The following NCAPD3 variants were observed in gnomAD, a reference collection of about 807,000 sequenced individuals.
NCAPD3 encodes condensin-2 complex subunit D3.
A neutral mutation model predicts 182.9 loss-of-function variants in NCAPD3; 105 were observed. That is an observed-to-expected ratio of 0.57 (90% CI 0.49 to 0.68). NCAPD3 has a LOEUF of 0.68. NCAPD3 is among the 30% of genes least tolerant of loss of function. The pLI, the probability that NCAPD3 is intolerant of heterozygous loss-of-function variation, is 0.00. For missense variants in NCAPD3, 1,944 were observed against 1,837.0 expected, an observed-to-expected ratio of 1.06 and a Z score of -1.07; for synonymous variants, 815 against 679.9, an observed-to-expected ratio of 1.20 and a Z score of -3.09.
rs552009611 is a variant in NCAPD3 at position 134,185,403 on chromosome 11, G to A, written c.2169C>T (p.Ser723=). The A allele has an allele frequency of 6.2e-7, 1 of 1,614,090 alleles. No individual in the cohort carries two copies. The highest frequency in any genetic ancestry group is 1.1e-5 in the South Asian group (1 of 91,064). Residue 723 remains serine, a synonymous_variant, in exon 17 of 35, where the codon TCC becomes TCT. Transcript: ENST00000534548. ...GCCTGGGTGAGGAGCCAGCAATCTT[G>A]GAGAGCAGCATCCAGGCAGGTGCCG... The part of the protein sequence containing the change: ...EHSAPAWMLL[S]KIAGSSPRLD...
intron 24 of NCAPD3, among the ~76,000 whole-genome samples, chr11:134,172,021 C>T (rs1591833406): frequency 6.6e-6 from 1 of 152,192 alleles, no homozygotes; most frequent in Non-Finnish European, 1.5e-5. Context: ...CTCAGGAAAC[C>T]TACACATAGC....
intron 31 of NCAPD3, among the ~76,000 whole-genome samples, chr11:134,157,613 GA>G (rs773177009): frequency 6.2e-4 from 95 of 152,142 alleles, no homozygotes; most frequent in Non-Finnish European, 9.4e-4. Flanking sequence ...AGAATGCAGG[GA>G]AACAGGTCAT....
In NCAPD3 at chr11:134,169,010, G is replaced by A. The variant is rs771659261; in HGVS notation, c.3146C>T (p.Pro1049Leu). The change falls in exon 25 of 35, where the codon CCT (proline) becomes CTT (leucine). Residue 1049 changes from proline to leucine, a missense_variant. By Grantham distance (98) the Pro-to-Leu change is moderately conservative (BLOSUM62 -3). Around this residue, in one of 3 missense-constraint regions of NCAPD3, gnomAD observed 1,803 missense variants for 1,674.6 expected, o/e 1.08. Coordinates refer to ENST00000534548, the MANE Select transcript of NCAPD3 (RefSeq NM_015261.3). ...AATGAAGTGTTGGAAGAACATGACA[G>A]GGTTCCTCTTCAGTAACAGGTGAGC... ...CLAHLLLKRN[P>L]VMFFQHFIEC... 4 of 1,614,042 alleles carry A rather than the reference G, an allele frequency of 2.5e-6. No individual in the cohort carries two copies. The highest frequency in any genetic ancestry group is 1.1e-5 in the South Asian group (1 of 91,064).
At chr11:134,222,918 T>C (rs572374710) in intron 1 of NCAPD3, among the ~76,000 whole-genome samples, 82 of 152,354 alleles carry the variant, frequency 5.4e-4, no homozygotes, top group Non-Finnish European at 9.4e-4. Context: ...CAAAAACCCC[T>C]GTGAGGTAGA....
chr11:134,214,861 C>T (rs1393154233), intron 3 of NCAPD3, among the ~76,000 whole-genome samples: 1 of 152,140 alleles, frequency 6.6e-6, no homozygotes, highest in Non-Finnish European at 1.5e-5. Context: ...TACTATGTAA[C>T]TTATTCTATG....
intron 2 of NCAPD3, among the ~76,000 whole-genome samples, chr11:134,217,764 G>C (rs1175167770): frequency 6.6e-6 from 1 of 152,294 alleles, no homozygotes; most frequent in East Asian, 1.9e-4. Context: ...AAATTCAAGT[G>C]AGCAGAGCAC....
chr11:134,168,838 A>C, intron 25 of NCAPD3, 79 bp downstream of exon 25: 1 of 1,522,964 alleles, frequency 6.6e-7, no homozygotes. Context: ...CAATCACTAC[A>C]TGCAAAGAGC....
At chr11:134,181,227 T>C (rs748664251) in intron 19 of NCAPD3, 43 bp from the exon 20 acceptor site, 1 of 1,298,928 alleles carries the variant, frequency 7.7e-7, no homozygotes, top group East Asian at 2.3e-5. Context: ...CCCGCACATC[T>C]CCCAGACTAC....
chr11:134,222,828 A>C (rs1331316619), intron 1 of NCAPD3, among the ~76,000 whole-genome samples: 1 of 152,234 alleles, frequency 6.6e-6, no homozygotes, highest in Non-Finnish European at 1.5e-5. Context: ...TTCTAAATGA[A>C]CAAAATTGTT....
At chr11:134,206,309 G>A (rs966616683) in intron 8 of NCAPD3, among the ~76,000 whole-genome samples, 9 of 152,046 alleles carry the variant, frequency 5.9e-5, no homozygotes, top group African/African-American at 1.4e-4. Flanking sequence ...AGGAGGAGAG[G>A]CCACCATCCT....
Position 134,210,329 on chromosome 11 carries a change from G to A in NCAPD3, c.508C>T (p.Gln170Ter). The stretch of plus-strand genomic sequence containing the variant: ...TTTCTATGCCTCCCGGGGTTAGCCT[G>A]AGAGCTCTTAGGCTGTTCTTTCTTT... ...KRKKEQPKSS[Q>*]ANPGRHRKRG... Residue 170 changes from glutamine (Q) to a stop codon, truncating the protein, a stop_gained, in exon 4 of 35, where the codon CAG becomes TAG. Transcript: ENST00000534548. LOFTEE classifies it high-confidence loss of function. The A allele has an allele frequency of 6.2e-7, 1 of 1,614,044 alleles. No individual in the cohort carries two copies. Among genetic ancestry groups the A allele is most frequent in the Non-Finnish European group, 8.5e-7 (1 of 1,179,960 alleles).
Position 134,192,886 on chromosome 11 carries a change from G to A in NCAPD3, c.1848C>T (p.Ile616=), listed in dbSNP as rs760587716. 6.2e-7 allele frequency: 1 copy of A among 1,611,036 alleles called. No homozygotes were observed. The highest frequency in any genetic ancestry group is 8.5e-7 in the Non-Finnish European group (1 of 1,177,260). The change falls in exon 16 of 35, where the codon ATC becomes ATT. Residue 616 remains isoleucine (I), a synonymous_variant. Coordinates refer to ENST00000534548, the MANE Select transcript of NCAPD3 (RefSeq NM_015261.3). ...LLMAQPRCVQ[I]QKAWLRGVVP... ...CCACCCCCCGCAACCAGGCTTTCTGGATCTGCACGCATCTAGGCTGAGCCT... is the reference window on the plus strand; with the variant it reads ...CCACCCCCCGCAACCAGGCTTTCTGAATCTGCACGCATCTAGGCTGAGCCT...
chr11:134,219,600 T>C (rs1938154807), intron 2 of NCAPD3, among the ~76,000 whole-genome samples: 1 of 152,218 alleles, frequency 6.6e-6, no homozygotes, highest in African/African-American at 2.4e-5. Context: ...TTTTTTTTGT[T>C]CATTTAAATG....
Position 134,152,981 on chromosome 11 carries a change from C to G in NCAPD3, c.4460G>C (p.Arg1487Thr). The G allele has an allele frequency of 6.3e-7, 1 of 1,576,718 alleles. No individual in the cohort carries two copies. The highest frequency in any genetic ancestry group is 8.6e-7 in the Non-Finnish European group (1 of 1,160,536). Residue 1487 changes from arginine (R) to threonine (T), a missense_variant, in exon 35 of 35, where the codon AGG becomes ACG. Physicochemically the swap from Arg to Thr is moderately conservative, Grantham distance 71 (BLOSUM62 -1). Transcript: ENST00000534548. ...TTTCAGAGGGGTCTTTCGGAGGGAC[C>G]TCCTGCTGCAGGCTGGAGTGTCTTT... is the stretch of plus-strand genomic sequence containing the variant. ...RNKDTPACSRRSLRKTPLKTA... is the reference protein window; with the variant it reads ...RNKDTPACSRTSLRKTPLKTA...
At chr11:134,213,932 A>G (rs1343416549) in intron 3 of NCAPD3, among the ~76,000 whole-genome samples, 1 of 152,218 alleles carries the variant, frequency 6.6e-6, no homozygotes, top group African/African-American at 2.4e-5. Flanking sequence ...CTTAAGTTAA[A>G]AGAACTGAGA....
At chr11:134,222,710 T>C (rs1422856448) in intron 1 of NCAPD3, among the ~76,000 whole-genome samples, 1 of 152,224 alleles carries the variant, frequency 6.6e-6, no homozygotes, top group Non-Finnish European at 1.5e-5. Context: ...AAGATGATTC[T>C]TCAATTGGAC....
At position 134,153,361 on chromosome 11, in the gene NCAPD3, T is replaced by A. The variant is rs1400370816; in HGVS notation, c.4255A>T (p.Ser1419Cys). 6.2e-7 allele frequency: 1 copy of A among 1,614,022 alleles called. No homozygotes were observed. The highest frequency in any genetic ancestry group is 1.7e-5 in the Admixed American group (1 of 60,018). ...TKRAISTPEKSISDVTFGAGV... is the reference protein window; with the variant it reads ...TKRAISTPEKCISDVTFGAGV... ...GCTCCAAACGTGACATCACTGATGC[T>A]CTCTGCATAAAGAGGAGACACCACT... Residue 1419 changes from serine (S) to cysteine (C), a missense_variant and splice_region_variant, in exon 33 of 35, where the codon AGC (serine) becomes TGC (cysteine). Physicochemically the swap from Ser to Cys is moderately radical, Grantham distance 112. Transcript: ENST00000534548.
At position 134,184,621 on chromosome 11, in the gene NCAPD3, G is replaced by T. The variant is rs146641064; in HGVS notation, c.2451+16C>A. The T allele has an allele frequency of 6.4e-6, 10 of 1,556,776 alleles. No homozygotes were observed. The highest frequency in any genetic ancestry group is 7.9e-6 in the Non-Finnish European group (9 of 1,142,530). On this transcript the variant is annotated intron_variant, in intron 19 of 34. Transcript: ENST00000534548. Reference sequence around the variant, plus strand: ...TCAAAGAAGTCAGAAACATGTCAGGGAAAGTCTGGCCATACCTGCTCCTCT... The same window carrying T: ...TCAAAGAAGTCAGAAACATGTCAGGTAAAGTCTGGCCATACCTGCTCCTCT...
chr11:134,150,551 G>T lies in NCAPD3; in HGVS notation c.*2393C>A, dbSNP rs1310186044. 6.6e-6 allele frequency: 1 copy of T among 152,198 alleles called. No homozygotes were observed. The highest frequency in any genetic ancestry group is 1.5e-5 in the Non-Finnish European group (1 of 68,036). The allele number at this position is 152,198 out of a possible 1,614,324, so 9.4% of individuals were successfully genotyped here. On this transcript the variant is annotated 3_prime_UTR_variant, in exon 35 of 35. Coordinates refer to ENST00000534548, the MANE Select transcript of NCAPD3 (RefSeq NM_015261.3). ...TCAGGTGGGCACTGCAGGGACACTG[G>T]TGTCTTCCATGTAGCGTCCCAGCTT...
Sources: allele counts gnomAD v4.1 joint callset (sites outside exome capture counted in the v4.1 genomes callset), GRCh38; gene constraint gnomAD v4.1.1; regional missense constraint gnomAD v4.1.1; transcripts MANE v1.5; gene names NCBI Gene and HGNC (gene_info 2026-07-23, HGNC 2026-07-21).